NAV3: variants seen among roughly 807,000 people sequenced by gnomAD.
NAV3 encodes the protein pore membrane and/or filament interacting like protein 1.
NAV3 carries 87 observed loss-of-function variants against 244.7 expected under a neutral mutation model. The ratio of observed to expected loss-of-function variants is 0.36; its 90% CI spans 0.30 to 0.42. NAV3 has a LOEUF of 0.42. Among genes scored for constraint, NAV3 ranks in the 20% least tolerant of loss-of-function variants. The pLI, the probability that NAV3 is intolerant of heterozygous loss-of-function variation, is 1.00. For missense variants in NAV3, 2,663 were observed against 2,893.3 expected (o/e 0.92, Z 1.83); for synonymous variants, 1,126 against 1,042.2 (o/e 1.08, Z -1.55).
At chr12:77,682,629 A>G (rs772883056) in intron 2 of NAV3, among the ~76,000 whole-genome samples, 12 of 152,146 alleles carry the variant, frequency 7.9e-5, no homozygotes, top group Non-Finnish European at 1.8e-4. Flanking sequence ...ACCATGTGCA[A>G]AGGTTCTCTT....
intron 18 of NAV3, among the ~76,000 whole-genome samples, chr12:78,136,725 G>A (rs1213080892): frequency 2.0e-5 from 3 of 152,148 alleles, no homozygotes; most frequent in Non-Finnish European, 4.4e-5. Flanking sequence ...AAGTGACTGA[G>A]AGTATTTGCC....
intron 33 of NAV3, among the ~76,000 whole-genome samples, chr12:78,189,615 T>C (rs1958885127): frequency 6.6e-6 from 1 of 151,480 alleles, no homozygotes; most frequent in African/African-American, 2.4e-5. Flanking sequence ...ATTCTTCACA[T>C]TTATTCTTAT....
chr12:78,110,979 A>T (rs1955064569), intron 12 of NAV3, among the ~76,000 whole-genome samples: 2 of 152,036 alleles, frequency 1.3e-5, no homozygotes, highest in Non-Finnish European at 2.9e-5. Flanking sequence ...GATTACATGA[A>T]GGTGGAGAAT....
intron 2 of NAV3, among the ~76,000 whole-genome samples, chr12:77,764,959 T>G (rs1869664299): frequency 6.6e-6 from 1 of 152,248 alleles, no homozygotes. Context: ...AATCCCTTAA[T>G]GGTGCATTAT....
Position 78,118,165 on chromosome 12 carries a change from G to A in NAV3, c.2908G>A (p.Glu970Lys), listed in dbSNP as rs1955505701. 6 of 1,613,920 alleles carry A rather than the reference G, an allele frequency of 3.7e-6. No homozygotes were observed. The highest frequency in any genetic ancestry group is 5.1e-6 in the Non-Finnish European group (6 of 1,180,012). ...KWKTVSSGLP[E>K]DPEKAGQKAS... is the part of the protein sequence containing the mutation. ...GAAGACTGTGTCCTCTGGACTTCCT[G>A]AAGACCCCGAGAAGGCAGGGCAGAA... is the stretch of plus-strand genomic sequence containing the variant. The change falls in exon 14 of 40, where the codon GAA becomes AAA. Residue 970 changes from glutamate (E) to lysine (K), a missense_variant. Glu to Lys is a moderately conservative substitution (Grantham distance 56, BLOSUM62 1). Around this residue, in one of 6 missense-constraint regions of NAV3, gnomAD observed 1,521 missense variants for 1,497.0 expected, o/e 1.02. Coordinates refer to ENST00000397909, the MANE Select transcript of NAV3 (RefSeq NM_001024383.2).
intron 18 of NAV3, among the ~76,000 whole-genome samples, chr12:78,133,914 A>G (rs940647977): frequency 1.3e-5 from 2 of 152,218 alleles, no homozygotes; most frequent in African/African-American, 4.8e-5. Flanking sequence ...ATTTCTAAAT[A>G]GAAGAGAAAC....
At chr12:78,001,287 T>A (rs1327188065) in intron 7 of NAV3, among the ~76,000 whole-genome samples, 1 of 152,178 alleles carries the variant, frequency 6.6e-6, no homozygotes, top group African/African-American at 2.4e-5. Flanking sequence ...AAAATAAGAA[T>A]ACTTAAATTA....
At chr12:77,798,901 G>T (rs1245786641) in intron 2 of NAV3, among the ~76,000 whole-genome samples, 1 of 152,274 alleles carries the variant, frequency 6.6e-6, no homozygotes, top group South Asian at 2.1e-4. Context: ...TGTTAGCTTT[G>T]CTGCAGAACA....
intron 23 of NAV3, among the ~76,000 whole-genome samples, chr12:78,167,943 A>G (rs1206003541): frequency 6.6e-6 from 1 of 151,678 alleles, no homozygotes; most frequent in Non-Finnish European, 1.5e-5. Flanking sequence ...CACTTAAATA[A>G]TTATGAAAGT....
At chr12:78,052,461 T>C (rs1304723585) in intron 11 of NAV3, among the ~76,000 whole-genome samples, 1 of 152,176 alleles carries the variant, frequency 6.6e-6, no homozygotes. Flanking sequence ...GTATCCAAAT[T>C]AGTTTTTGTC....
At chr12:78,065,734 A>T (rs1183545218) in intron 12 of NAV3, among the ~76,000 whole-genome samples, 1 of 152,106 alleles carries the variant, frequency 6.6e-6, no homozygotes, top group Non-Finnish European at 1.5e-5. Context: ...TGAAACAATA[A>T]AGGGAGATCT....
rs76286354 is a variant in NAV3 at position 77,666,974 on chromosome 12, T to G, written c.72+94708T>G. On this transcript the variant is annotated intron_variant, in intron 2 of 8. Transcript: ENST00000550042. Reference sequence around the variant, plus strand: ...GACATTTGTTACAAATTTTATGAACTAAAATGGAGTGTGTGTATGTGTATA... The same window carrying G: ...GACATTTGTTACAAATTTTATGAACGAAAATGGAGTGTGTGTATGTGTATA... 2.0e-3 allele frequency among the ~76,000 whole-genome samples: 310 copies of G among 152,352 alleles called. 2 individuals carry two copies. Among genetic ancestry groups the G allele is most frequent in the African/African-American group, 7.1e-3 (297 of 41,588 alleles).
chr12:77,602,865 C>G (rs777270202), intron 2 of NAV3, among the ~76,000 whole-genome samples: 10 of 151,996 alleles, frequency 6.6e-5, no homozygotes, highest in Admixed American at 1.3e-4. Flanking sequence ...TCACTTTATT[C>G]ATGGGAATCA....
chr12:77,873,679 G>GTGTATA (rs540390004), intron 1 of NAV3, among the ~76,000 whole-genome samples: 11,089 of 106,996 alleles, frequency 0.1, 1,197 homozygotes, highest in Non-Finnish European at 0.15. Flanking sequence ...ATTTGTATGT[G>GTGTATA]TATATATATA....
intron 2 of NAV3, among the ~76,000 whole-genome samples, chr12:77,612,038 T>C (rs987507441): frequency 6.6e-5 from 10 of 150,938 alleles, no homozygotes; most frequent in African/African-American, 2.5e-4. Flanking sequence ...CATGTCTAGT[T>C]TCGTTGCTTA....
intron 2 of NAV3, among the ~76,000 whole-genome samples, chr12:77,658,162 C>G (rs1873220904): frequency 6.6e-6 from 1 of 152,144 alleles, no homozygotes; most frequent in African/African-American, 2.4e-5. Context: ...AAGAGGAAGT[C>G]AAATTTTCCC....
chr12:77,757,376 G>A (rs1175392305), intron 2 of NAV3, among the ~76,000 whole-genome samples: 2 of 152,162 alleles, frequency 1.3e-5, no homozygotes. Context: ...GACAAAACTA[G>A]TTTACCACAC....
At chr12:78,173,679 A>G (rs551326165) in intron 24 of NAV3, among the ~76,000 whole-genome samples, 1 of 151,688 alleles carries the variant, frequency 6.6e-6, no homozygotes, top group African/African-American at 2.4e-5. Flanking sequence ...TTGGCATGCA[A>G]AACCAGTTAA....
chr12:77,752,644 G>A (rs1868918574), intron 2 of NAV3, among the ~76,000 whole-genome samples: 1 of 152,076 alleles, frequency 6.6e-6, no homozygotes, highest in South Asian at 2.1e-4. Flanking sequence ...CCACTCATAT[G>A]TCTAGGCAGG....
Sources: gnomAD v4.1 joint callset for allele counts (sites outside exome capture counted in the v4.1 genomes callset) on GRCh38, gnomAD v4.1.1 for gene constraint, gnomAD v4.1.1 regional missense constraint, MANE v1.5 for transcripts, NCBI Gene and HGNC (gene_info 2026-07-23, HGNC 2026-07-21) for gene names.